CCDC171: variants seen among roughly 807,000 people sequenced by gnomAD.
CCDC171 encodes coiled-coil domain containing 171, also known as coiled-coil domain-containing protein 171.
In CCDC171, 177 loss-of-function variants were observed where a neutral mutation model predicts 168.2. The observed-to-expected ratio is 1.05, with a 90% CI of 0.93 to 1.19. The LOEUF (loss-of-function observed/expected upper bound fraction) is 1.19, where lower values mean the gene tolerates loss of function less well. CCDC171 is among the 50% of genes most tolerant of loss of function. The pLI is 0.00. For synonymous variants in CCDC171, 687 were observed against 540.8 expected, an observed-to-expected ratio of 1.27 and a Z score of -3.75; for missense variants, 1,991 against 1,539.0, an observed-to-expected ratio of 1.29 and a Z score of -4.91.
chr9:15,850,987 C>T (rs1163713672), intron 23 of CCDC171, among the ~76,000 whole-genome samples: 1 of 151,920 alleles, frequency 6.6e-6, no homozygotes, highest in African/African-American at 2.4e-5. Flanking sequence ...TTGTACCATT[C>T]ATTCTAGAAT....
At chr9:15,626,738 G>C (rs2045154290) in intron 7 of CCDC171, among the ~76,000 whole-genome samples, 1 of 152,178 alleles carries the variant, frequency 6.6e-6, no homozygotes. Context: ...GAGGATTTTT[G>C]CATCAATGTT....
intron 21 of CCDC171, among the ~76,000 whole-genome samples, chr9:15,812,290 A>G (rs1375706926): frequency 2.0e-5 from 3 of 152,216 alleles, no homozygotes; most frequent in Non-Finnish European, 2.9e-5. Flanking sequence ...TTCACATGCT[A>G]TGCCTATTGC....
intron 21 of CCDC171, among the ~76,000 whole-genome samples, chr9:15,804,225 C>CT (rs1284600630): frequency 6.6e-6 from 1 of 152,020 alleles, no homozygotes; most frequent in Non-Finnish European, 1.5e-5. Flanking sequence ...TTATTTATTT[C>CT]TTTGTCTTGC....
At chr9:15,848,499 A>T (rs2060995808) in intron 22 of CCDC171, among the ~76,000 whole-genome samples, 1 of 151,858 alleles carries the variant, frequency 6.6e-6, no homozygotes, top group South Asian at 2.1e-4. Flanking sequence ...CATCACTAAG[A>T]TTTTTTAAGT....
chr9:16,063,961 A>G (rs1200487900), downstream of CCDC171, among the ~76,000 whole-genome samples: 1 of 152,214 alleles, frequency 6.6e-6, no homozygotes, highest in East Asian at 1.9e-4. Flanking sequence ...GGAGTGAGCA[A>G]GTCTTGCTGG....
At chr9:15,726,854 A>C (rs2053840538) in intron 14 of CCDC171, among the ~76,000 whole-genome samples, 1 of 152,112 alleles carries the variant, frequency 6.6e-6, no homozygotes, top group African/African-American at 2.4e-5. Flanking sequence ...TTTTATCTAG[A>C]TAAAATAAAA....
the CCDC171 span, among the ~76,000 whole-genome samples, chr9:16,070,208 G>A: frequency 1.3e-5 from 2 of 152,178 alleles, no homozygotes; most frequent in East Asian, 3.9e-4. Context: ...TATAACATGA[G>A]CCCCTCGGGG....
At chr9:16,013,601 T>C (rs1832935478) in intron 3 of CCDC171, among the ~76,000 whole-genome samples, 1 of 152,216 alleles carries the variant, frequency 6.6e-6, no homozygotes, top group African/African-American at 2.4e-5. Context: ...CTCTGACCCG[T>C]ACCTACCTTT....
intron 24 of CCDC171, among the ~76,000 whole-genome samples, chr9:15,901,887 CTTTATAATAG>C (rs1821717764): frequency 6.6e-6 from 1 of 152,114 alleles, no homozygotes; most frequent in Admixed American, 6.5e-5. Flanking sequence ...ATAGTACAGT[CTTTATAATAG>C]TTTATAATGA....
At chr9:15,813,214 A>C (rs890079307) in intron 21 of CCDC171, among the ~76,000 whole-genome samples, 1 of 152,202 alleles carries the variant, frequency 6.6e-6, no homozygotes, top group African/African-American at 2.4e-5. Flanking sequence ...TATTGGTTAT[A>C]TGGTTATGGA....
chr9:16,018,777 C>CTGA (rs1833093251), intron 3 of CCDC171, among the ~76,000 whole-genome samples: 1 of 152,176 alleles, frequency 6.6e-6, no homozygotes, highest in South Asian at 2.1e-4. Flanking sequence ...AAGAAAGTTG[C>CTGA]TGATACCCAA....
intron 11 of CCDC171, among the ~76,000 whole-genome samples, chr9:15,705,372 A>G (rs565379344): frequency 5.1e-4 from 77 of 152,342 alleles, no homozygotes; most frequent in African/African-American, 1.5e-3. Flanking sequence ...CCAAAATGGT[A>G]TCAATGGCTT....
At chr9:15,943,014 G>T (rs1363145120) in intron 25 of CCDC171, among the ~76,000 whole-genome samples, 1 of 151,922 alleles carries the variant, frequency 6.6e-6, no homozygotes, top group African/African-American at 2.4e-5. Flanking sequence ...CGTATAAGGA[G>T]ATGGGTCCTG....
At chr9:15,903,854 A>G (rs1589061248) in intron 24 of CCDC171, among the ~76,000 whole-genome samples, 1 of 152,240 alleles carries the variant, frequency 6.6e-6, no homozygotes, top group African/African-American at 2.4e-5. Flanking sequence ...GCTGAAAACC[A>G]TGGCACGAGA....
At chr9:15,562,892 T>TG (rs1175085033) in intron 1 of CCDC171, among the ~76,000 whole-genome samples, 1 of 109,196 alleles carries the variant, frequency 9.2e-6, no homozygotes, top group Non-Finnish European at 1.9e-5. Context: ...GGACAATATC[T>TG]GAAGAGCTTG....
At chr9:15,777,237 G>A (rs2057374796) in intron 18 of CCDC171, among the ~76,000 whole-genome samples, 1 of 152,200 alleles carries the variant, frequency 6.6e-6, no homozygotes, top group Non-Finnish European at 1.5e-5. Context: ...TTTCTTGTCT[G>A]AGAATATAAA....
chr9:15,907,978 T>C (rs1822972970), intron 24 of CCDC171, among the ~76,000 whole-genome samples: 1 of 151,972 alleles, frequency 6.6e-6, no homozygotes, highest in African/African-American at 2.4e-5. Context: ...CCATTTAGAA[T>C]GGCAATCATT....
At chr9:16,104,806 G>C in the CCDC171 span, among the ~76,000 whole-genome samples, 4 of 151,850 alleles carry the variant, frequency 2.6e-5, no homozygotes, top group African/African-American at 4.8e-5. Flanking sequence ...AGGCACTTGA[G>C]AGAGAATGAT....
At chr9:15,954,920 A>T (rs565400966) in intron 25 of CCDC171, among the ~76,000 whole-genome samples, 3 of 152,086 alleles carry the variant, frequency 2.0e-5, no homozygotes, top group Non-Finnish European at 2.9e-5. Context: ...CCTGCCATCA[A>T]ATCTTCTTCA....
Sources: allele counts gnomAD v4.1 joint callset (sites outside exome capture counted in the v4.1 genomes callset), GRCh38; gene constraint gnomAD v4.1.1; transcripts MANE v1.5; gene names NCBI Gene and HGNC (gene_info 2026-07-23, HGNC 2026-07-21).